Variants in IGFL2 observed in about 807,000 individuals in gnomAD.
IGFL2 encodes insulin growth factor-like family member 2.
A neutral mutation model predicts 13.9 loss-of-function variants in IGFL2; 7 were observed. The observed-to-expected ratio is 0.51, with a 90% CI of 0.29 to 0.95. The LOEUF is 0.95. Among genes scored for constraint, IGFL2 ranks in the 40% least tolerant of loss-of-function variants. The pLI, the probability that IGFL2 is intolerant of heterozygous loss-of-function variation, is 0.08. For synonymous variants in IGFL2, 55 were observed against 55.8 expected, an observed-to-expected ratio of 0.99 and a Z score of 0.07; for missense variants, 138 against 147.8, an observed-to-expected ratio of 0.93 and a Z score of 0.34.
At position 46,160,641 on chromosome 19, in the gene IGFL2, G is replaced by T. The variant is rs779028617; in HGVS notation, c.101G>T (p.Cys34Phe). 2 of 1,614,170 alleles carry T rather than the reference G, an allele frequency of 1.2e-6. No homozygotes were observed. Among genetic ancestry groups the T allele is most frequent in the Non-Finnish European group, 1.7e-6 (2 of 1,180,014 alleles). ...CCCGCTGGCTCAGAACCATGGCTGT[G>T]CCAGCCGGCACCCAGGTGTGGAGAC... ...IAPAGSEPWL[C>F]QPAPRCGDKI... The change falls in exon 3 of 4, where the codon TGC (cysteine) becomes TTC (phenylalanine). Residue 34 changes from cysteine (C) to phenylalanine (F), a missense_variant. Physicochemically the swap from Cys to Phe is radical, Grantham distance 205 (BLOSUM62 -2). Coordinates refer to ENST00000377693, the MANE Select transcript of IGFL2 (RefSeq NM_001135113.2).
At chr19:46,121,614 A>G in the IGFL2 span, among the ~76,000 whole-genome samples, 4 of 150,626 alleles carry the variant, frequency 2.7e-5, no homozygotes, top group African/African-American at 9.9e-5. Flanking sequence ...AGATAAAACA[A>G]CGGTGTCGCA....
the IGFL2 span, among the ~76,000 whole-genome samples, chr19:46,135,097 T>A: frequency 6.6e-6 from 1 of 151,198 alleles, no homozygotes; most frequent in Admixed American, 6.6e-5. Flanking sequence ...ATTTTAAACT[T>A]ACAAAAAAGT....
At chr19:46,141,639 G>T (rs186363067), upstream of IGFL2, among the ~76,000 whole-genome samples, 1 of 152,164 alleles carries the variant, frequency 6.6e-6, no homozygotes, top group African/African-American at 2.4e-5. Context: ...TCAACAACAT[G>T]ACTCACCTAC....
chr19:46,154,765 G>T lies in IGFL2; in HGVS notation c.20-5650G>T, dbSNP rs1319939972. 4.6e-5 allele frequency among the ~76,000 whole-genome samples: 7 copies of T among 152,104 alleles called. No individual in the cohort carries two copies. In the East Asian group the frequency reaches 1.4e-3, roughly 29 times the overall value. On this transcript the variant is annotated intron_variant, in intron 1 of 3. Transcript: ENST00000377693. ...CGCCCAGCTGGTCTTTTTGTTTCTT[G>T]TTACTACTGTCATGGAATTACCACC...
intron 1 of IGFL2, among the ~76,000 whole-genome samples, chr19:46,151,453 A>G (rs906708799): frequency 1.3e-5 from 2 of 152,146 alleles, no homozygotes; most frequent in Non-Finnish European, 2.9e-5. Context: ...TCATTGATCT[A>G]TATGTCTATC....
At chr19:46,149,145 T>TCTCTCC in intron 1 of IGFL2, 2 of 217,160 alleles carry the variant, frequency 9.2e-6, no homozygotes, top group Non-Finnish European at 1.2e-5. Flanking sequence ...ACCATCTCTC[T>TCTCTCC]CTCTCCCTCT....
chr19:46,153,287 G>A (rs1973611573), intron 1 of IGFL2, among the ~76,000 whole-genome samples: 1 of 152,146 alleles, frequency 6.6e-6, no homozygotes, highest in Admixed American at 6.6e-5. Flanking sequence ...GTCTGGATGG[G>A]CATTTCCCGT....
the IGFL2 span, chr19:46,209,778 C>T: frequency 6.6e-6 from 1 of 152,198 alleles, no homozygotes; most frequent in African/African-American, 2.4e-5. Flanking sequence ...TAAATTCCTG[C>T]AAAGAAGAAG....
the IGFL2 span, among the ~76,000 whole-genome samples, chr19:46,114,066 G>A: frequency 2.6e-5 from 4 of 152,174 alleles, no homozygotes; most frequent in African/African-American, 7.2e-5. Flanking sequence ...ACACTTGTAG[G>A]AAGTCAGACT....
At chr19:46,079,767 C>CA in the IGFL2 span, among the ~76,000 whole-genome samples, 1 of 152,160 alleles carries the variant, frequency 6.6e-6, no homozygotes, top group Non-Finnish European at 1.5e-5. Context: ...TTGCCCTCAT[C>CA]AAAGGAAGCT....
At chr19:46,163,121 G>A (rs1255921087), downstream of IGFL2, among the ~76,000 whole-genome samples, 1 of 152,148 alleles carries the variant, frequency 6.6e-6, no homozygotes, top group Non-Finnish European at 1.5e-5. Context: ...TGGCACTTAG[G>A]CTTATTGGTC....
chr19:46,152,401 T>A (rs540234115), intron 1 of IGFL2, among the ~76,000 whole-genome samples: 2 of 152,154 alleles, frequency 1.3e-5, no homozygotes, highest in Admixed American at 6.6e-5. Context: ...CTCAGCTTCC[T>A]GAGCAGCTAG....
At chr19:46,082,573 A>AAGAG in the IGFL2 span, among the ~76,000 whole-genome samples, 682 of 152,248 alleles carry the variant, frequency 4.5e-3, 5 homozygotes, top group African/African-American at 0.015. Context: ...GCCGCCCTGT[A>AAGAG]AGAGAGAGGG....
the IGFL2 span, among the ~76,000 whole-genome samples, chr19:46,096,731 A>G: frequency 3.9e-5 from 6 of 152,086 alleles, no homozygotes; most frequent in East Asian, 1.9e-4. Context: ...ACATGAAGGG[A>G]TATTTAATTC....
the IGFL2 span, among the ~76,000 whole-genome samples, chr19:46,211,890 G>A: frequency 6.6e-6 from 1 of 152,056 alleles, no homozygotes; most frequent in Non-Finnish European, 1.5e-5. Flanking sequence ...GGCATTTCCT[G>A]CTGTCAGCAG....
the IGFL2 span, chr19:46,207,308 C>T: frequency 6.6e-6 from 1 of 152,090 alleles, no homozygotes; most frequent in Non-Finnish European, 1.5e-5. Context: ...AAGTTTCTAC[C>T]CTCTAATCCT....
the IGFL2 span, among the ~76,000 whole-genome samples, chr19:46,125,367 G>T: frequency 6.6e-6 from 1 of 152,156 alleles, no homozygotes; most frequent in Non-Finnish European, 1.5e-5. Context: ...TATATTAGTG[G>T]CCAATGATAA....
chr19:46,177,101 T>TA, the IGFL2 span, among the ~76,000 whole-genome samples: 5,658 of 145,476 alleles, frequency 0.039, 160 homozygotes, highest in African/African-American at 0.073. Flanking sequence ...TGTCCTCTAC[T>TA]AAAAAAAAAA....
At chr19:46,146,452 T>C (rs966478644), upstream of IGFL2, among the ~76,000 whole-genome samples, 1 of 152,202 alleles carries the variant, frequency 6.6e-6, no homozygotes, top group African/African-American at 2.4e-5. Flanking sequence ...CCATTGCTTT[T>C]CTATATAAAT....
Sources: gnomAD v4.1 joint callset for allele counts (sites outside exome capture counted in the v4.1 genomes callset) on GRCh38, gnomAD v4.1.1 for gene constraint, MANE v1.5 for transcripts, NCBI Gene and HGNC (gene_info 2026-07-23, HGNC 2026-07-21) for gene names.